Variants in ZFP91 observed in about 807,000 individuals in gnomAD.
The protein encoded by ZFP91 is ZFP91 zinc finger protein, atypical E3 ubiquitin ligase, also known as E3 ubiquitin-protein ligase ZFP91.
Under a neutral mutation model 63.5 loss-of-function variants are expected in ZFP91, and 7 were observed. The ratio of observed to expected loss-of-function variants is 0.11; its 90% CI spans 0.06 to 0.21. The LOEUF (loss-of-function observed/expected upper bound fraction) is 0.21. Among genes scored for constraint, ZFP91 ranks in the 10% least tolerant of loss-of-function variants. The probability of loss-of-function intolerance (pLI) is 1.00; values close to 1 mark genes in which losing one functional copy is unlikely to be tolerated. For missense variants in ZFP91, 628 were observed against 736.6 expected, an observed-to-expected ratio of 0.85 and a Z score of 1.71; for synonymous variants, 330 against 272.1, an observed-to-expected ratio of 1.21 and a Z score of -2.10.
rs755389768 is a variant in ZFP91, at chr11:58,610,325, G to A, written c.608G>A (p.Gly203Asp). Residue 203 changes from glycine (G) to aspartate (D), a missense_variant, in exon 4 of 11, where the codon GGT becomes GAT. Physicochemically the swap from Gly to Asp is moderately conservative, Grantham distance 94 (BLOSUM62 -1). This residue lies in a region of ZFP91 where 437 missense variants were observed against 380.3 expected (regional missense o/e 1.15). Transcript: ENST00000316059. ...YDVGEEHQSP[G>D]GISSEEEEEE... ...GTTGGAGAAGAGCATCAGTCTCCAG[G>A]TGGCATTAGGTAAAAAAAACATTAA... The A allele has an allele frequency of 3.8e-6, 6 of 1,591,036 alleles. No individual in the cohort carries two copies. The African/African-American group carries it at 5.5e-5, about 15-fold the overall frequency.
At chr11:58,596,263 A>G (rs1394108065) in intron 2 of ZFP91, among the ~76,000 whole-genome samples, 1 of 152,216 alleles carries the variant, frequency 6.6e-6, no homozygotes, top group Non-Finnish European at 1.5e-5. Flanking sequence ...AGGAGGAGGA[A>G]GAAGAAGAAT....
chr11:58,615,026 G>C (rs1855727514), intron 9 of ZFP91, among the ~76,000 whole-genome samples: 3 of 152,116 alleles, frequency 2.0e-5, no homozygotes. Context: ...AATTCTAGTT[G>C]TAGAAATATG....
intron 2 of ZFP91, among the ~76,000 whole-genome samples, chr11:58,609,199 A>G (rs1291949500): frequency 6.6e-6 from 1 of 152,190 alleles, no homozygotes; most frequent in Non-Finnish European, 1.5e-5. Flanking sequence ...TCACCCTTAA[A>G]ACATGACAAA....
At chr11:58,602,751 G>T (rs1184399267) in intron 2 of ZFP91, among the ~76,000 whole-genome samples, 1 of 152,130 alleles carries the variant, frequency 6.6e-6, no homozygotes, top group Non-Finnish European at 1.5e-5. Flanking sequence ...ATACATTTTG[G>T]TATTGGAAGT....
chr11:58,596,533 T>A (rs1244989560), intron 2 of ZFP91, among the ~76,000 whole-genome samples: 1 of 152,216 alleles, frequency 6.6e-6, no homozygotes, highest in African/African-American at 2.4e-5. Flanking sequence ...TAGTTTGTTT[T>A]CTGGCATTGC....
chr11:58,615,854 T>G (rs1405645625), intron 9 of ZFP91, among the ~76,000 whole-genome samples: 1 of 152,216 alleles, frequency 6.6e-6, no homozygotes, highest in Non-Finnish European at 1.5e-5. Flanking sequence ...TAACTTAAAT[T>G]CATGTTTTCA....
chr11:58,584,882 A>G lies in ZFP91; in HGVS notation c.368A>G (p.Lys123Arg). ...TGCATAGAAAAAGTAACAACTGATA[A>G]AGGTAAGACTTGGTCATCCTTACCT... ...LLCIEKVTTDKDPKEEKEEED... is the reference protein window; with the variant it reads ...LLCIEKVTTDRDPKEEKEEED... Residue 123 changes from lysine to arginine, a missense_variant and splice_region_variant, in exon 2 of 11, where the codon AAA (lysine) becomes AGA (arginine). Coordinates refer to ENST00000316059, the MANE Select transcript of ZFP91 (RefSeq NM_053023.5). The G allele has an allele frequency of 6.5e-7, 1 of 1,528,504 alleles. No individual in the cohort carries two copies. The allele number at this position is 1,528,504 out of a possible 1,614,324, so 94.7% of individuals were successfully genotyped here.
rs751112611 is a variant in ZFP91, at chr11:58,612,362, T to C, written c.908+34T>C. 5 of 1,605,432 alleles carry C rather than the reference T, an allele frequency of 3.1e-6. No homozygotes were observed. In the South Asian group the frequency reaches 4.4e-5, roughly 14 times the overall value. On this transcript the variant is annotated intron_variant, in intron 7 of 10. Coordinates refer to ENST00000316059, the MANE Select transcript of ZFP91 (RefSeq NM_053023.5). ...TTTTTACCCCTACTGTTTTACACCTTATTCCAGTACCAGGCACTTTACTCA... is the reference window on the plus strand; with the variant it reads ...TTTTTACCCCTACTGTTTTACACCTCATTCCAGTACCAGGCACTTTACTCA...
intron 2 of ZFP91, among the ~76,000 whole-genome samples, chr11:58,601,347 A>G (rs1414211938): frequency 1.3e-5 from 2 of 152,296 alleles, no homozygotes; most frequent in East Asian, 3.9e-4. Context: ...TGTGTGCCTA[A>G]GAAGTTGTTG....
chr11:58,581,333 T>G (rs2134385208), intron 1 of ZFP91, among the ~76,000 whole-genome samples: 1 of 152,344 alleles, frequency 6.6e-6, no homozygotes, highest in South Asian at 2.1e-4. Flanking sequence ...CAAGATAAGA[T>G]AATTATGTCT....
In ZFP91 at chr11:58,614,214, C is replaced by A; in HGVS notation, c.988-15C>A. 2 of 1,516,274 alleles carry A rather than the reference C, an allele frequency of 1.3e-6. No homozygotes were observed. The highest frequency in any genetic ancestry group is 1.8e-6 in the Non-Finnish European group (2 of 1,122,288). The allele number at this position is 1,516,274 out of a possible 1,614,324, so 93.9% of individuals were successfully genotyped here. ...AATTTTTTTTTTTTCGCCCCTTTCACTTTCTCTGTTTTAGCACCACATTAA... is the reference window on the plus strand; with the variant it reads ...AATTTTTTTTTTTTCGCCCCTTTCAATTTCTCTGTTTTAGCACCACATTAA... On this transcript the variant is annotated splice_polypyrimidine_tract_variant and intron_variant, in intron 8 of 10. Transcript: ENST00000316059.
At chr11:58,602,691 G>T (rs955666713) in intron 2 of ZFP91, among the ~76,000 whole-genome samples, 1 of 152,174 alleles carries the variant, frequency 6.6e-6, no homozygotes, top group Non-Finnish European at 1.5e-5. Flanking sequence ...TAGGGGCTTT[G>T]TAGTAAATAG....
At chr11:58,595,847 G>T (rs955333941) in intron 2 of ZFP91, among the ~76,000 whole-genome samples, 7 of 152,070 alleles carry the variant, frequency 4.6e-5, no homozygotes, top group Non-Finnish European at 1.5e-5. Flanking sequence ...AAAGTGCTGG[G>T]TATAGGCTTG....
intron 8 of ZFP91, 108 bp downstream of exon 8, chr11:58,612,948 A>AC: frequency 2.2e-5 from 20 of 911,040 alleles, no homozygotes; most frequent in Non-Finnish European, 3.2e-5. Context: ...ATTGACATGT[A>AC]ATGTCAAGAA....
intron 1 of ZFP91, among the ~76,000 whole-genome samples, chr11:58,581,221 ACT>A (rs1047332593): frequency 1.4e-4 from 21 of 145,076 alleles, no homozygotes; most frequent in Admixed American, 1.4e-3. Context: ...TGATTTTTTC[ACT>A]CTTTAATATT....
chr11:58,616,953 T>C, intron 10 of ZFP91, 138 bp downstream of exon 10: 1 of 901,102 alleles, frequency 1.1e-6, no homozygotes, highest in Non-Finnish European at 1.7e-6. Flanking sequence ...TTGGGGGCAT[T>C]AGTTAGTAGC....
chr11:58,607,912 A>G (rs1192024834), intron 2 of ZFP91, among the ~76,000 whole-genome samples: 1 of 152,178 alleles, frequency 6.6e-6, no homozygotes, highest in Non-Finnish European at 1.5e-5. Flanking sequence ...TGCTATTATA[A>G]ACATAATACA....
At chr11:58,610,892 T>A (rs1855649234) in intron 4 of ZFP91, 58 bp from the exon 5 acceptor site, 19 of 1,493,648 alleles carry the variant, frequency 1.3e-5, no homozygotes, top group Non-Finnish European at 1.7e-5. Flanking sequence ...CCAAATAAAA[T>A]CCCCTCAGAC....
chr11:58,614,699 A>G (rs543031439), intron 9 of ZFP91, among the ~76,000 whole-genome samples: 1 of 152,296 alleles, frequency 6.6e-6, no homozygotes, highest in African/African-American at 2.4e-5. Flanking sequence ...AGAAACTAGA[A>G]GCTTGGCAGG....
Sources: allele counts gnomAD v4.1 joint callset (sites outside exome capture counted in the v4.1 genomes callset), GRCh38; gene constraint gnomAD v4.1.1; regional missense constraint gnomAD v4.1.1; transcripts MANE v1.5; gene names NCBI Gene and HGNC (gene_info 2026-07-23, HGNC 2026-07-21).